The following GRM8 variants were observed in gnomAD, a reference collection of about 807,000 sequenced individuals.
GRM8 encodes metabotropic glutamate receptor 8.
Under a neutral mutation model 87.2 loss-of-function variants are expected in GRM8, and 47 were observed. That is an observed-to-expected ratio of 0.54 (90% CI 0.43 to 0.69). The LOEUF (loss-of-function observed/expected upper bound fraction) is 0.69, where lower values mean the gene tolerates loss of function less well. GRM8 is among the 30% of genes least tolerant of loss of function. The probability of loss-of-function intolerance (pLI) is 0.00; values close to 1 mark genes in which losing one functional copy is unlikely to be tolerated. For synonymous variants in GRM8, 396 were observed against 404.5 expected (o/e 0.98, Z 0.25); for missense variants, 1,019 against 1,139.2 (o/e 0.89, Z 1.52).
Position 126,449,471 on chromosome 7 carries a change from A to T in GRM8, c.2431-3099T>A, listed in dbSNP as rs577207494. Among the ~76,000 whole-genome samples the T allele has an allele frequency of 1.9e-4, 29 of 151,908 alleles. 1 individual carries two copies. Among genetic ancestry groups the T allele is most frequent in the Admixed American group, 1.6e-3 (25 of 15,220 alleles). On this transcript the variant is annotated intron_variant, in intron 9 of 10. Coordinates refer to ENST00000339582, the MANE Select transcript of GRM8 (RefSeq NM_000845.3). Reference sequence around the variant, plus strand: ...TTACCCTACAACTTTGCATCTAAAAATATGCTAACAAAGTATCCTCCCAGG... The same window carrying T: ...TTACCCTACAACTTTGCATCTAAAATTATGCTAACAAAGTATCCTCCCAGG...
At chr7:126,946,702 A>C (rs1232714323) in intron 3 of GRM8, among the ~76,000 whole-genome samples, 1 of 152,188 alleles carries the variant, frequency 6.6e-6, no homozygotes. Context: ...TACAGACCCA[A>C]ACTGAGACCA....
chr7:126,643,381 TA>T (rs11442911), intron 7 of GRM8, among the ~76,000 whole-genome samples: 100 of 109,934 alleles, frequency 9.1e-4, no homozygotes, highest in South Asian at 2.0e-3. Context: ...TCACTGTAGG[TA>T]AAAAAAAAAA....
At chr7:126,613,861 G>C (rs559587532) in intron 7 of GRM8, among the ~76,000 whole-genome samples, 194 of 152,316 alleles carry the variant, frequency 1.3e-3, no homozygotes, top group African/African-American at 4.5e-3. Flanking sequence ...GGCTTGAGTA[G>C]GTAAACAAAG....
chr7:126,785,783 G>A (rs998247705), intron 6 of GRM8, among the ~76,000 whole-genome samples: 1 of 152,036 alleles, frequency 6.6e-6, no homozygotes, highest in African/African-American at 2.4e-5. Flanking sequence ...ACTACAGCCT[G>A]GGTAAAGCAG....
chr7:127,142,718 T>C (rs139380719), intron 2 of GRM8, among the ~76,000 whole-genome samples: 2 of 152,134 alleles, frequency 1.3e-5, no homozygotes, highest in African/African-American at 4.8e-5. Flanking sequence ...ATGGATGGGA[T>C]GGATGGACGG....
intron 7 of GRM8, among the ~76,000 whole-genome samples, chr7:126,707,844 T>G (rs1201751089): frequency 6.6e-6 from 1 of 152,054 alleles, no homozygotes; most frequent in Non-Finnish European, 1.5e-5. Flanking sequence ...TGACAATGGT[T>G]TTTTGGCTAG....
At chr7:126,875,015 G>T (rs897982391) in intron 6 of GRM8, among the ~76,000 whole-genome samples, 1 of 151,992 alleles carries the variant, frequency 6.6e-6, no homozygotes, top group Non-Finnish European at 1.5e-5. Context: ...CTATTAAACT[G>T]CTTATTAAAA....
intron 9 of GRM8, among the ~76,000 whole-genome samples, chr7:126,451,241 C>G (rs1375201539): frequency 6.6e-6 from 1 of 151,816 alleles, no homozygotes; most frequent in East Asian, 2.0e-4. Flanking sequence ...CATCCCTAAA[C>G]TTGATCTCCC....
chr7:126,974,609 GT>G (rs1325096677), intron 3 of GRM8, among the ~76,000 whole-genome samples: 1 of 152,062 alleles, frequency 6.6e-6, no homozygotes, highest in Non-Finnish European at 1.5e-5. Flanking sequence ...TGCTTCCCAG[GT>G]TATTGTGATG....
Position 126,446,346 on chromosome 7 carries a change from A to G in GRM8, c.2457T>C (p.Thr819=). ...CTGAAGCACTTAAACTCATGGAGAC[A>G]GTAAGTGTTGTTGTCTGGATGTACA... ...EKMYIQTTTL[T]VSMSLSASVS... is the part of the protein sequence containing the mutation. The change falls in exon 10 of 11, where the codon ACT becomes ACC. Residue 819 remains threonine, a synonymous_variant. Transcript: ENST00000339582. 1.2e-6 allele frequency: 2 copies of G among 1,609,094 alleles called. No individual in the cohort carries two copies. Among genetic ancestry groups the G allele is most frequent in the Non-Finnish European group, 1.7e-6 (2 of 1,176,452 alleles).
chr7:126,969,376 A>G (rs1212741165), intron 3 of GRM8, among the ~76,000 whole-genome samples: 1 of 152,226 alleles, frequency 6.6e-6, no homozygotes, highest in African/African-American at 2.4e-5. Context: ...AGACCCTGCC[A>G]CTGCTTCATC....
At chr7:126,494,021 C>T (rs13238224) in intron 9 of GRM8, among the ~76,000 whole-genome samples, 20,179 of 151,948 alleles carry the variant, frequency 0.13, 1,563 homozygotes, top group South Asian at 0.18. Context: ...TAATGAGTCT[C>T]AAGAATCACA....
rs7800998 is a variant in GRM8 at position 127,205,120 on chromosome 7, C to T, written c.510+37575G>A. On this transcript the variant is annotated intron_variant, in intron 2 of 10. Coordinates refer to ENST00000339582, the MANE Select transcript of GRM8 (RefSeq NM_000845.3). Reference sequence around the variant, plus strand: ...AGAAAATCCAGCCAATTCTATTTTACGTGGTACTCTTGCCTTAGTTTCTTT... The same window carrying T: ...AGAAAATCCAGCCAATTCTATTTTATGTGGTACTCTTGCCTTAGTTTCTTT... Among the ~76,000 whole-genome samples the T allele has an allele frequency of 3.4e-3, 515 of 152,334 alleles. 1 individual carries two copies. Among genetic ancestry groups the T allele is most frequent in the Middle Eastern group, 0.017 (5 of 294 alleles).
At chr7:127,170,341 T>C (rs1039773505) in intron 2 of GRM8, among the ~76,000 whole-genome samples, 1 of 152,114 alleles carries the variant, frequency 6.6e-6, no homozygotes, top group African/African-American at 2.4e-5. Context: ...GAAAAAATAA[T>C]AGATGTTGGC....
intron 6 of GRM8, among the ~76,000 whole-genome samples, chr7:126,793,608 A>G (rs1462280747): frequency 6.6e-6 from 1 of 152,242 alleles, no homozygotes; most frequent in Non-Finnish European, 1.5e-5. Context: ...AACAAACAGA[A>G]CTAGGACTTG....
intron 6 of GRM8, among the ~76,000 whole-genome samples, chr7:126,893,617 C>T (rs1801272761): frequency 6.6e-6 from 1 of 151,914 alleles, no homozygotes; most frequent in South Asian, 2.1e-4. Flanking sequence ...TAAGCATATG[C>T]TAAGTCCTGA....
At chr7:126,471,941 C>T (rs1805312767) in intron 9 of GRM8, among the ~76,000 whole-genome samples, 1 of 152,060 alleles carries the variant, frequency 6.6e-6, no homozygotes, top group South Asian at 2.1e-4. Flanking sequence ...GTATTTTATT[C>T]TCTTTGAAGC....
intron 7 of GRM8, among the ~76,000 whole-genome samples, chr7:126,614,954 G>T (rs1166192473): frequency 6.6e-6 from 1 of 152,170 alleles, no homozygotes; most frequent in East Asian, 1.9e-4. Context: ...CACTCTGCAG[G>T]ATATTATCCA....
intron 1 of GRM8, among the ~76,000 whole-genome samples, chr7:127,247,149 T>C (rs777203474): frequency 6.6e-6 from 1 of 151,952 alleles, no homozygotes; most frequent in Non-Finnish European, 1.5e-5. Context: ...TCCAGGGAGG[T>C]GATTTCTGAA....
Sources: allele counts gnomAD v4.1 joint callset (sites outside exome capture counted in the v4.1 genomes callset), GRCh38; gene constraint gnomAD v4.1.1; transcripts MANE v1.5; gene names NCBI Gene and HGNC (gene_info 2026-07-23, HGNC 2026-07-21).